Variants in SLC9A7 observed in about 807,000 individuals in gnomAD.
SLC9A7 encodes the protein sodium/hydrogen exchanger 7.
A neutral mutation model predicts 52.6 loss-of-function variants in SLC9A7; 19 were observed. The observed-to-expected ratio is 0.36, with a 90% CI of 0.25 to 0.53. The LOEUF (loss-of-function observed/expected upper bound fraction) is 0.53, where lower values mean the gene tolerates loss of function less well. Among genes scored for constraint, SLC9A7 ranks in the 20% least tolerant of loss-of-function variants. The pLI, the probability that SLC9A7 is intolerant of heterozygous loss-of-function variation, is 0.91. For synonymous variants in SLC9A7, 226 were observed against 252.1 expected, an observed-to-expected ratio of 0.90 and a Z score of 0.98; for missense variants, 455 against 597.9, an observed-to-expected ratio of 0.76 and a Z score of 2.49.
intron 15 of SLC9A7, among the ~76,000 whole-genome samples, chrX:46,620,400 T>G (rs1305356627): frequency 9.0e-6 from 1 of 111,069 alleles, no homozygotes; most frequent in Non-Finnish European, 1.9e-5. Flanking sequence ...GCCTGGGCAA[T>G]GGAGTGAGAC....
At chrX:46,758,305 C>T (rs192251631) in intron 1 of SLC9A7, among the ~76,000 whole-genome samples, 4 of 111,954 alleles carry the variant, frequency 3.6e-5, no homozygotes, top group Non-Finnish European at 7.5e-5. Flanking sequence ...CCACTCCCTA[C>T]TGTGGCCTGT....
rs367951768 is a variant in SLC9A7, at chrX:46,635,642, G to A, written c.1623C>T (p.Gly541=). Residue 541 remains glycine (G), a synonymous_variant, in exon 13 of 17, where the codon GGC becomes GGT. Transcript: ENST00000616978. ...PMLSWLNIRV[G]VEEPSEEDQN... Reference sequence around the variant, plus strand: ...GGTCCTCTTCGGAGGGCTCCTCGACGCCAACTCTGGGCAGCAGAAGAAGGG... The same window carrying A: ...GGTCCTCTTCGGAGGGCTCCTCGACACCAACTCTGGGCAGCAGAAGAAGGG... 29 of 1,206,192 alleles carry A rather than the reference G, an allele frequency of 2.4e-5. 1 individual carries two copies. The highest frequency in any genetic ancestry group is 1.8e-4 in the South Asian group (10 of 56,622).
intron 1 of SLC9A7, among the ~76,000 whole-genome samples, chrX:46,722,674 C>T (rs944320201): frequency 2.7e-5 from 3 of 112,011 alleles, no homozygotes; most frequent in Non-Finnish European, 3.8e-5. Context: ...TTGGGAACTC[C>T]AAAACTTTAT....
At chrX:46,632,642 C>T (rs1167448096) in intron 13 of SLC9A7, among the ~76,000 whole-genome samples, 2 of 111,719 alleles carry the variant, frequency 1.8e-5, no homozygotes, top group Non-Finnish European at 3.8e-5. Context: ...TCAGTACTTC[C>T]CTATCCACTG....
Position 46,621,044 on chromosome X carries a change from C to A in SLC9A7, c.1756G>T (p.Ala586Ser), listed in dbSNP as rs373120802. 56 of 1,201,934 alleles carry A rather than the reference C, an allele frequency of 4.7e-5. No individual in the cohort carries two copies. In the East Asian group the frequency reaches 1.2e-3, roughly 26 times the overall value. The change falls in exon 15 of 17, where the codon GCC becomes TCC. Residue 586 changes from alanine (A) to serine (S), a missense_variant. Ala to Ser is a moderately conservative substitution (Grantham distance 99, BLOSUM62 1). Coordinates refer to ENST00000616978, the MANE Select transcript of SLC9A7 (RefSeq NM_001257291.2). ...TCCTGTTTTGTCCGGTTTCCTCTGG[C>A]AGAATCTGGGCCGTCCTAGGAACAA... ...QVLQGDGPDS[A>S]RGNRTKQESA...
chrX:46,752,757 G>A (rs1375590902), intron 1 of SLC9A7, among the ~76,000 whole-genome samples: 2 of 110,247 alleles, frequency 1.8e-5, no homozygotes, highest in Non-Finnish European at 3.8e-5. Flanking sequence ...GTGACTGCCA[G>A]ACCTCTTCAC....
At chrX:46,721,438 A>G (rs1261134385) in intron 1 of SLC9A7, among the ~76,000 whole-genome samples, 1 of 112,218 alleles carries the variant, frequency 8.9e-6, no homozygotes, top group Non-Finnish European at 1.9e-5. Context: ...CTGCAAGCTA[A>G]TAGGAGACTG....
chrX:46,643,298 C>G lies in SLC9A7; in HGVS notation c.1554G>C (p.Val518=). The change falls in exon 12 of 17, where the codon GTG becomes GTC. Residue 518 remains valine, a synonymous_variant. Coordinates refer to ENST00000616978, the MANE Select transcript of SLC9A7 (RefSeq NM_001257291.2). ...CTCCAATGATCCAGACAGTGAAGAA[C>G]ACAATGAGAAGGGTGGTCGTGAACA... ...QMMFTTTLLI[V]FFTVWIIGGG... The G allele has an allele frequency of 8.3e-7, 1 of 1,210,839 alleles. No homozygotes were observed. Among genetic ancestry groups the G allele is most frequent in the Non-Finnish European group, 1.1e-6 (1 of 894,849 alleles).
intron 1 of SLC9A7, among the ~76,000 whole-genome samples, chrX:46,718,140 C>G (rs931934058): frequency 1.8e-5 from 2 of 111,392 alleles, no homozygotes; most frequent in African/African-American, 6.5e-5. Context: ...AGAAATAATA[C>G]CACACATACA....
intron 5 of SLC9A7, among the ~76,000 whole-genome samples, chrX:46,667,164 A>G (rs1038772792): frequency 9.0e-6 from 1 of 111,360 alleles, no homozygotes; most frequent in Non-Finnish European, 1.9e-5. Context: ...GCCTTAGGAG[A>G]TAGGTGCCAT....
chrX:46,609,798 C>A (rs772956346), intron 16 of SLC9A7, among the ~76,000 whole-genome samples: 2 of 110,671 alleles, frequency 1.8e-5, no homozygotes, highest in Admixed American at 9.6e-5. Flanking sequence ...GAAGCCGAGG[C>A]GAGCGGATCA....
At chrX:46,646,616 G>C in intron 11 of SLC9A7, 1 of 254,405 alleles carries the variant, frequency 3.9e-6, no homozygotes, top group Non-Finnish European at 7.7e-6. Flanking sequence ...TTTATCCTGG[G>C]CAGCCACAGC....
At chrX:46,625,167 A>ATATTT (rs1324222339) in intron 14 of SLC9A7, among the ~76,000 whole-genome samples, 1 of 112,219 alleles carries the variant, frequency 8.9e-6, no homozygotes, top group African/African-American at 3.2e-5. Context: ...GTGTAGAGTT[A>ATATTT]CATTTCATTC....
chrX:46,729,229 ATAACT>A (rs1334709292), intron 1 of SLC9A7, among the ~76,000 whole-genome samples: 8 of 112,561 alleles, frequency 7.1e-5, no homozygotes, highest in African/African-American at 1.9e-4. Context: ...CAATAATTAA[ATAACT>A]TAAGGAAAAA....
intron 1 of SLC9A7, among the ~76,000 whole-genome samples, chrX:46,722,189 A>G (rs1223912659): frequency 1.8e-5 from 2 of 111,768 alleles, no homozygotes; most frequent in Non-Finnish European, 3.8e-5. Flanking sequence ...TGTTCCACAT[A>G]TAAGTAGCTA....
intron 1 of SLC9A7, among the ~76,000 whole-genome samples, chrX:46,750,136 T>A (rs1278953456): frequency 9.0e-6 from 1 of 110,710 alleles, no homozygotes; most frequent in Admixed American, 9.6e-5. Context: ...ACTCTGGGCA[T>A]AGATTTCCCT....
chrX:46,614,471 A>T (rs1005402629), intron 15 of SLC9A7, among the ~76,000 whole-genome samples: 1 of 112,040 alleles, frequency 8.9e-6, no homozygotes, highest in African/African-American at 3.2e-5. Flanking sequence ...CGTAAAGTTG[A>T]AAGATCCTAA....
intron 1 of SLC9A7, among the ~76,000 whole-genome samples, chrX:46,756,231 T>C (rs1201964438): frequency 1.8e-5 from 2 of 111,644 alleles, no homozygotes; most frequent in African/African-American, 6.5e-5. Context: ...TTAAAAATGT[T>C]TCCTTAGGTC....
intron 1 of SLC9A7, among the ~76,000 whole-genome samples, chrX:46,733,760 CA>C (rs778838508): frequency 9.1e-6 from 1 of 110,346 alleles, no homozygotes; most frequent in Non-Finnish European, 1.9e-5. Flanking sequence ...GTGGAAAAAA[CA>C]CAAAGGAATT....
Sources: gnomAD v4.1 joint callset for allele counts (sites outside exome capture counted in the v4.1 genomes callset) on GRCh38, gnomAD v4.1.1 for gene constraint, MANE v1.5 for transcripts, NCBI Gene and HGNC (gene_info 2026-07-23, HGNC 2026-07-21) for gene names.